MS4A8: variants seen among roughly 807,000 people sequenced by gnomAD.
MS4A8 encodes the protein membrane spanning 4-domains A8.
In MS4A8, 27 loss-of-function variants were observed where a neutral mutation model predicts 23.7. The ratio of observed to expected loss-of-function variants is 1.14; its 90% CI spans 0.84 to 1.57. The LOEUF is 1.57. MS4A8 is among the 40% of genes most tolerant of loss of function. The pLI is 0.00. For missense variants in MS4A8, 301 were observed against 311.4 expected, an observed-to-expected ratio of 0.97 and a Z score of 0.25; for synonymous variants, 138 against 126.3, an observed-to-expected ratio of 1.09 and a Z score of -0.62.
intron 5 of MS4A8, among the ~76,000 whole-genome samples, chr11:60,713,909 CTTTTTTTTTTTTTTTT>C (rs1170997070): frequency 9.8e-6 from 1 of 101,942 alleles, no homozygotes; most frequent in Non-Finnish European, 2.0e-5. Context: ...GGTGATGACT[CTTTTTTTTTTTTTTTT>C]TTTTTTTTTT....
Position 60,708,673 on chromosome 11 carries a change from C to T in MS4A8, c.426C>T (p.Asn142=). 6.4e-7 allele frequency: 1 copy of T among 1,560,328 alleles called. No homozygotes were observed. The highest frequency in any genetic ancestry group is 1.2e-5 in the South Asian group (1 of 81,234). The part of the protein sequence containing the change: ...YCLLSGSLGL[N]IVSAICSAVG... ...AGCTGTCTGGCAGTTTGGGCTTGAACATCGTCAGTGCAATCTGCTCTGCAG... is the reference window on the plus strand; with the variant it reads ...AGCTGTCTGGCAGTTTGGGCTTGAATATCGTCAGTGCAATCTGCTCTGCAG... Residue 142 remains asparagine, a synonymous_variant, in exon 5 of 7, where the codon AAC becomes AAT. Coordinates refer to ENST00000300226, the MANE Select transcript of MS4A8 (RefSeq NM_031457.2).
intron 4 of MS4A8, among the ~76,000 whole-genome samples, chr11:60,707,805 T>C (rs989904447): frequency 7.5e-6 from 1 of 133,900 alleles, no homozygotes; most frequent in Non-Finnish European, 1.5e-5. Flanking sequence ...TTTTTCTTTT[T>C]CTTTTTCTTT....
intron 3 of MS4A8, among the ~76,000 whole-genome samples, chr11:60,703,943 C>T (rs111606832): frequency 2.0e-3 from 309 of 152,086 alleles, no homozygotes; most frequent in African/African-American, 7.0e-3. Flanking sequence ...ACCTGAATGA[C>T]GGTTTTAACA....
At chr11:60,714,598 C>A (rs572275798) in intron 5 of MS4A8, among the ~76,000 whole-genome samples, 9 of 152,058 alleles carry the variant, frequency 5.9e-5, no homozygotes, top group Admixed American at 5.9e-4. Flanking sequence ...TGTGGCCTCC[C>A]CCTTCCCACC....
At position 60,712,224 on chromosome 11, in the gene MS4A8, T is replaced by G. The variant is rs995992936; in HGVS notation, c.535-2797T>G. The G allele has an allele frequency of 8.2e-6, 5 of 612,718 alleles. No individual in the cohort carries two copies. The African/African-American group carries it at 1.0e-4, about 12-fold the overall frequency. The allele number at this position is 612,718 out of a possible 1,614,324, so 38.0% of individuals were successfully genotyped here. A position where few individuals can be genotyped will look rare whatever the true frequency, so the allele number is the denominator to read the frequency against. ...CCCTCTCTAAATCCCTTCATGACAA[T>G]GAACCTCTCCCTCCTCAGTGCTCTG... is the stretch of plus-strand genomic sequence containing the variant. On this transcript the variant is annotated intron_variant, in intron 5 of 6. Coordinates refer to ENST00000300226, the MANE Select transcript of MS4A8 (RefSeq NM_031457.2).
chr11:60,701,342 T>C, intron 2 of MS4A8: 1 of 581,148 alleles, frequency 1.7e-6, no homozygotes, highest in Non-Finnish European at 3.2e-6. Flanking sequence ...AGGTTGATCC[T>C]GTTGCCAGGA....
At chr11:60,711,860 C>T (rs1311547120) in intron 5 of MS4A8, 1 of 456,214 alleles carries the variant, frequency 2.2e-6, no homozygotes. Flanking sequence ...GGAATGAGAA[C>T]TCGCCCCATG....
rs1465733845 is a variant in MS4A8 at position 60,715,114 on chromosome 11, G to T, written c.628G>T (p.Val210Phe). 2 of 1,613,904 alleles carry T rather than the reference G, an allele frequency of 1.2e-6. No homozygotes were observed. Among genetic ancestry groups the T allele is most frequent in the Non-Finnish European group, 1.7e-6 (2 of 1,179,800 alleles). Residue 210 changes from valine to phenylalanine, a missense_variant, in exon 6 of 7, where the codon GTC (valine) becomes TTC (phenylalanine). Transcript: ENST00000300226. ...CASSHFGCQL[V>F]CCQSSNVSVI... The stretch of plus-strand genomic sequence containing the variant: ...ATCTTCCCACTTTGGCTGCCAGTTG[G>T]TCTGCTGTCAATCAAGCAATGTGAG...
chr11:60,705,425 A>G (rs2088247438), intron 3 of MS4A8, among the ~76,000 whole-genome samples: 1 of 152,230 alleles, frequency 6.6e-6, no homozygotes, highest in African/African-American at 2.4e-5. Context: ...TTCAGCCCTC[A>G]TGACCTTCCT....
chr11:60,704,116 CTTT>C (rs1245958477), intron 3 of MS4A8, among the ~76,000 whole-genome samples: 4,758 of 126,594 alleles, frequency 0.038, 200 homozygotes, highest in African/African-American at 0.14. Context: ...TTTCTTTTTA[CTTT>C]TTTTTTTTTT....
intron 5 of MS4A8, among the ~76,000 whole-genome samples, chr11:60,713,374 T>G (rs1249919297): frequency 1.3e-5 from 2 of 149,814 alleles, no homozygotes; most frequent in Non-Finnish European, 2.9e-5. Flanking sequence ...TATTGATCAT[T>G]ATTGGGCATG....
intron 5 of MS4A8, among the ~76,000 whole-genome samples, chr11:60,714,379 C>T (rs2088325170): frequency 6.6e-6 from 1 of 152,134 alleles, no homozygotes; most frequent in African/African-American, 2.4e-5. Context: ...CAGCTCGAGG[C>T]AGAAGAATTT....
At chr11:60,715,285 C>T in intron 6 of MS4A8, 25 bp from the exon 7 acceptor site, 1 of 1,599,658 alleles carries the variant, frequency 6.3e-7, no homozygotes, top group Non-Finnish European at 8.6e-7. Flanking sequence ...TCTTAGCATG[C>T]CCCCTGTGTG....
chr11:60,714,090 A>G (rs2088322020), intron 5 of MS4A8, among the ~76,000 whole-genome samples: 1 of 145,814 alleles, frequency 6.9e-6, no homozygotes, highest in African/African-American at 2.7e-5. Flanking sequence ...GCGCCCGGCT[A>G]ATTTTTTGTA....
Position 60,715,707 on chromosome 11 carries a change from C to A in MS4A8, c.*293C>A. On this transcript the variant is annotated 3_prime_UTR_variant, in exon 7 of 7. Transcript: ENST00000300226. ...GCCTTGGCACACACACATTCGTGTG[C>A]TCTGCTGCATGTGAGCTTGTGGGTT... 2.5e-6 allele frequency: 1 copy of A among 400,862 alleles called. No individual in the cohort carries two copies. The highest frequency in any genetic ancestry group is 4.6e-6 in the Non-Finnish European group (1 of 218,886). 24.8% of individuals were successfully genotyped at this position (400,862 alleles called of 1,614,324 possible).
At position 60,715,143 on chromosome 11, in the gene MS4A8, C is replaced by A; in HGVS notation, c.648+9C>A. ...GCTGTCAATCAAGCAATGTGAGTCC[C>A]AGGGTTCCTCAGTGGGTGGAAAGAT... On this transcript the variant is annotated intron_variant, in intron 6 of 6. Transcript: ENST00000300226. The A allele has an allele frequency of 6.2e-7, 1 of 1,602,596 alleles. No homozygotes were observed. Among genetic ancestry groups the A allele is most frequent in the African/African-American group, 1.3e-5 (1 of 74,808 alleles).
In MS4A8 at chr11:60,700,869, G is replaced by A. The variant is rs200962516; in HGVS notation, c.9G>A (p.Ser3=). The A allele has an allele frequency of 5.1e-5, 83 of 1,614,092 alleles. No homozygotes were observed. The East Asian group carries it at 5.8e-4, about 11-fold the overall frequency. The part of the protein sequence containing the change: MN[S]MTSAVPVANS... The stretch of plus-strand genomic sequence containing the variant: ...ATTTATTTCTTGGCAGCATGAATTC[G>A]ATGACTTCAGCAGTTCCGGTGGCCA... Residue 3 remains serine, a synonymous_variant, in exon 2 of 7, where the codon TCG becomes TCA. Coordinates refer to ENST00000300226, the MANE Select transcript of MS4A8 (RefSeq NM_031457.2).
At chr11:60,700,264 G>A (rs2088190451) in intron 1 of MS4A8, among the ~76,000 whole-genome samples, 1 of 152,218 alleles carries the variant, frequency 6.6e-6, no homozygotes, top group South Asian at 2.1e-4. Context: ...CACTATGAGA[G>A]GCCGGGTGCG....
At chr11:60,701,266 T>G in intron 2 of MS4A8, 187 bp downstream of exon 2, 3 of 702,000 alleles carry the variant, frequency 4.3e-6, no homozygotes, top group Non-Finnish European at 2.6e-6. Context: ...TGCTCAGACC[T>G]TGTATTTTCT....
Sources: gnomAD v4.1 joint callset for allele counts (sites outside exome capture counted in the v4.1 genomes callset) on GRCh38, gnomAD v4.1.1 for gene constraint, MANE v1.5 for transcripts, NCBI Gene and HGNC (gene_info 2026-07-23, HGNC 2026-07-21) for gene names.